SSBP3: variants seen among roughly 807,000 people sequenced by gnomAD.
SSBP3 encodes single-stranded DNA-binding protein 3.
In SSBP3, 5 loss-of-function variants were observed where a neutral mutation model predicts 69.6. The ratio of observed to expected loss-of-function variants is 0.07; its 90% CI spans 0.04 to 0.15. The LOEUF is 0.15. Ranked by LOEUF, SSBP3 falls within the 10% of genes least tolerant of loss-of-function variation. SSBP3 has a pLI of 1.00. For synonymous variants in SSBP3, 196 were observed against 193.4 expected (o/e 1.01, Z -0.11); for missense variants, 312 against 534.0 (o/e 0.58, Z 4.10).
chr1:54,383,277 C>T (rs1647819397), intron 4 of SSBP3, among the ~76,000 whole-genome samples: 2 of 151,996 alleles, frequency 1.3e-5, no homozygotes, highest in South Asian at 4.1e-4. Context: ...ACTCGGGAGG[C>T]TGAGGCAGGA....
In SSBP3 at chr1:54,267,388, C is replaced by T. The variant is rs137875250; in HGVS notation, c.367-9239G>A. Among the ~76,000 whole-genome samples, 152 of 152,330 alleles carry T rather than the reference C, an allele frequency of 1.0e-3. 1 individual carries two copies. The highest frequency in any genetic ancestry group is 3.2e-3 in the African/African-American group (133 of 41,584). On this transcript the variant is annotated intron_variant, in intron 5 of 17. Coordinates refer to ENST00000610401, the Ensembl canonical transcript of SSBP3. ...TACCCTGAGCTAAGTGCCGGAGACA[C>T]GTGAACAAGCAGTATTCTGCCCTTC... is the stretch of plus-strand genomic sequence containing the variant.
chr1:54,289,044 A>AAAC lies in SSBP3; in HGVS notation c.277-7518_277-7517insGTT, dbSNP rs1405004500. On this transcript the variant is annotated intron_variant, in intron 4 of 17. Transcript: ENST00000610401. ...CCAAAAAAAAAAAAAAAACAAAAAA[A>AAAC]CAAAAAAAAAAAACAGTAATGTCCC... Among the ~76,000 whole-genome samples, 58 of 51,272 alleles carry AAAC rather than the reference A, an allele frequency of 1.1e-3. 1 individual carries two copies. Among genetic ancestry groups the AAAC allele is most frequent in the East Asian group, 6.1e-3 (27 of 4,420 alleles). 33.6% of individuals were successfully genotyped at this position (51,272 alleles called of 152,430 possible). A position where few individuals can be genotyped will look rare whatever the true frequency, so the allele number is the denominator to read the frequency against.
intron 4 of SSBP3, among the ~76,000 whole-genome samples, chr1:54,347,971 C>G (rs1197888335): frequency 6.6e-6 from 1 of 152,212 alleles, no homozygotes; most frequent in Non-Finnish European, 1.5e-5. Context: ...AAATCATTCA[C>G]TCCAAGGCTC....
intron 4 of SSBP3, among the ~76,000 whole-genome samples, chr1:54,352,322 G>A (rs958599042): frequency 6.6e-6 from 1 of 152,170 alleles, no homozygotes; most frequent in Non-Finnish European, 1.5e-5. Flanking sequence ...TCACCTAGCA[G>A]GGAATTACCT....
chr1:54,300,751 T>C (rs1297943836), intron 4 of SSBP3, among the ~76,000 whole-genome samples: 1 of 152,176 alleles, frequency 6.6e-6, no homozygotes, highest in African/African-American at 2.4e-5. Flanking sequence ...CTTCACCTAC[T>C]CTGTCTCCAA....
At chr1:54,305,378 T>C (rs1645880455) in intron 4 of SSBP3, among the ~76,000 whole-genome samples, 1 of 152,142 alleles carries the variant, frequency 6.6e-6, no homozygotes. Context: ...TAGCACCATT[T>C]TCTATGATGA....
intron 4 of SSBP3, chr1:54,356,314 G>C (rs1646864127): frequency 1.3e-5 from 2 of 152,216 alleles, no homozygotes; most frequent in African/African-American, 2.4e-5. Context: ...TGAACAAACA[G>C]ACACGGTGCA....
intron 14 of SSBP3, among the ~76,000 whole-genome samples, chr1:54,236,277 A>G (rs1644493914): frequency 6.6e-6 from 1 of 151,916 alleles, no homozygotes; most frequent in African/African-American, 2.4e-5. Context: ...CACCACACCT[A>G]GCTAATGTTT....
At chr1:54,255,296 A>C (rs1644901753) in intron 7 of SSBP3, among the ~76,000 whole-genome samples, 1 of 152,090 alleles carries the variant, frequency 6.6e-6, no homozygotes, top group African/African-American at 2.4e-5. Flanking sequence ...ACCCCTCTCC[A>C]TATCCTTTAA....
chr1:54,393,917 G>A (rs1361459977), intron 4 of SSBP3, among the ~76,000 whole-genome samples: 1 of 152,106 alleles, frequency 6.6e-6, no homozygotes, highest in Non-Finnish European at 1.5e-5. Flanking sequence ...CCACCACCAC[G>A]TCTGGCTAAT....
At position 54,258,229 on chromosome 1, in the gene SSBP3, T is replaced by A; in HGVS notation, c.367-80A>T. On this transcript the variant is annotated intron_variant, in intron 5 of 17. Coordinates refer to ENST00000610401, the Ensembl canonical transcript of SSBP3. The surrounding 1 kb of genome is among the most constrained non-coding windows in gnomAD (Gnocchi z 4.5). ...AGAAGCAGCTTAAAAGAACAAAAAT[T>A]AAACCAAAACGAAGGGTGGGCGGCG... is the stretch of plus-strand genomic sequence containing the variant. The A allele has an allele frequency of 1.2e-5, 9 of 779,460 alleles. No homozygotes were observed. Among genetic ancestry groups the A allele is most frequent in the South Asian group, 2.5e-5 (1 of 39,734 alleles). The allele number at this position is 779,460 out of a possible 1,614,324, so 48.3% of individuals were successfully genotyped here. A position where few individuals can be genotyped will look rare whatever the true frequency, so the allele number is the denominator to read the frequency against.
In SSBP3 at chr1:54,299,568, T is replaced by A. The variant is rs72665922; in HGVS notation, c.277-18041A>T. Among the ~76,000 whole-genome samples, 221 of 152,058 alleles carry A rather than the reference T, an allele frequency of 1.5e-3. 1 individual carries two copies. Among genetic ancestry groups the A allele is most frequent in the Middle Eastern group, 3.4e-3 (1 of 294 alleles). On this transcript the variant is annotated intron_variant, in intron 4 of 17. Transcript: ENST00000610401. Reference sequence around the variant, plus strand: ...ACAATCACCCCCAAGCCCACCCTTGTGGGCACAGGGAAACAAATTATTAGG... The same window carrying A: ...ACAATCACCCCCAAGCCCACCCTTGAGGGCACAGGGAAACAAATTATTAGG...
intron 8 of SSBP3, 33 bp downstream of exon 8, chr1:54,251,761 C>G (rs1190615527): frequency 6.2e-7 from 1 of 1,605,364 alleles, no homozygotes; most frequent in African/African-American, 1.3e-5. Context: ...CCTGGCATCC[C>G]CAGCCACCCT....
At chr1:54,281,612 G>T in intron 4 of SSBP3, 85 bp from the exon 5 acceptor site, 1 of 1,259,998 alleles carries the variant, frequency 7.9e-7, no homozygotes, top group Non-Finnish European at 1.1e-6. Context: ...GGCTCTCCCT[G>T]TCCGTCCACA....
At chr1:54,340,549 G>A (rs1156362847) in intron 4 of SSBP3, among the ~76,000 whole-genome samples, 2 of 152,258 alleles carry the variant, frequency 1.3e-5, no homozygotes, top group Non-Finnish European at 2.9e-5. Context: ...ACAGCAAGGA[G>A]AAATGAGTAC....
chr1:54,396,124 G>C (rs189559584), intron 4 of SSBP3, among the ~76,000 whole-genome samples: 1 of 149,676 alleles, frequency 6.7e-6, no homozygotes, highest in Non-Finnish European at 1.5e-5. Context: ...CCCGGGAGGC[G>C]GAGGCTGCAG....
chr1:54,318,363 G>T (rs915467257), intron 4 of SSBP3, among the ~76,000 whole-genome samples: 13 of 152,178 alleles, frequency 8.5e-5, no homozygotes, highest in Non-Finnish European at 1.8e-4. Flanking sequence ...AGCAGCAGTG[G>T]CCAACTTTCT....
At chr1:54,313,920 C>CAT (rs1557522284) in intron 4 of SSBP3, among the ~76,000 whole-genome samples, 2 of 151,828 alleles carry the variant, frequency 1.3e-5, no homozygotes, top group African/African-American at 4.8e-5. Flanking sequence ...GTGCCCACCA[C>CAT]ACCTGGCTAA....
At chr1:54,316,705 T>TAAAATAAAATA (rs1217975788) in intron 4 of SSBP3, among the ~76,000 whole-genome samples, 16 of 80,794 alleles carry the variant, frequency 2.0e-4, no homozygotes, top group African/African-American at 7.7e-4. Context: ...AATAAATAAA[T>TAAAATAAAATA]AAATAAAATA....
Sources: allele counts gnomAD v4.1 joint callset (sites outside exome capture counted in the v4.1 genomes callset), GRCh38; gene constraint gnomAD v4.1.1; non-coding constraint Gnocchi (gnomAD v3.1); transcripts MANE v1.5; gene names NCBI Gene and HGNC (gene_info 2026-07-23, HGNC 2026-07-21).